The following FAM227B variants were observed in gnomAD, a reference collection of about 807,000 sequenced individuals.
The protein encoded by FAM227B is protein FAM227B.
A neutral mutation model predicts 73.8 loss-of-function variants in FAM227B; 88 were observed. That is an observed-to-expected ratio of 1.19 (90% confidence interval 1.00 to 1.42). The LOEUF (loss-of-function observed/expected upper bound fraction) is 1.42, where lower values mean the gene tolerates loss of function less well. FAM227B is among the 40% of genes most tolerant of loss of function. The probability of loss-of-function intolerance (pLI) is 0.00; values close to 1 mark genes in which losing one functional copy is unlikely to be tolerated. For synonymous variants in FAM227B, 210 were observed against 190.5 expected, an observed-to-expected ratio of 1.10 and a Z score of -0.84; for missense variants, 632 against 590.9, an observed-to-expected ratio of 1.07 and a Z score of -0.72.
chr15:49,420,764 T>C (rs1161196961), intron 11 of FAM227B, among the ~76,000 whole-genome samples: 1 of 152,208 alleles, frequency 6.6e-6, no homozygotes, highest in Non-Finnish European at 1.5e-5. Flanking sequence ...GGAGTGCAGT[T>C]GTGCGATCTC....
In FAM227B at chr15:49,489,877, T is replaced by TAG. The variant is rs1242200877; in HGVS notation, c.1012+18333_1012+18334insCT. Among the ~76,000 whole-genome samples the TAG allele has an allele frequency of 9.7e-4, 17 of 17,558 alleles. 2 individuals carry two copies. The highest frequency in any genetic ancestry group is 1.2e-3 in the Non-Finnish European group (9 of 7,436). The allele number at this position is 17,558 out of a possible 152,430, so 11.5% of individuals were successfully genotyped here. A position where few individuals can be genotyped will look rare whatever the true frequency, so the allele number is the denominator to read the frequency against. ...TATATATTTTATATATATATATATA[T>TAG]ATATATAGAGAGAGAGAGAGAGAGA... is the stretch of plus-strand genomic sequence containing the variant. On this transcript the variant is annotated intron_variant, in intron 11 of 15. Transcript: ENST00000299338.
At chr15:49,518,290 T>G (rs2059527651) in intron 10 of FAM227B, among the ~76,000 whole-genome samples, 1 of 152,154 alleles carries the variant, frequency 6.6e-6, no homozygotes, top group Admixed American at 6.6e-5. Flanking sequence ...GTCTGTGTTT[T>G]TATAGGATTT....
intron 11 of FAM227B, among the ~76,000 whole-genome samples, chr15:49,471,681 T>C (rs979754034): frequency 6.6e-6 from 1 of 151,968 alleles, no homozygotes; most frequent in African/African-American, 2.4e-5. Flanking sequence ...TTTTTGAGAG[T>C]GACAACAGCA....
chr15:49,339,551 T>G (rs991677654), intron 13 of FAM227B, among the ~76,000 whole-genome samples: 5 of 151,926 alleles, frequency 3.3e-5, no homozygotes, highest in Non-Finnish European at 5.9e-5. Flanking sequence ...CTGTAGGAGG[T>G]GTCTGTTGGC....
In FAM227B at chr15:49,589,866, T is replaced by A; in HGVS notation, c.247A>T (p.Ile83Phe). ...NVPRIFEALL[I>F]MESKLKEYSL... The stretch of plus-strand genomic sequence containing the variant: ...TATTCCTTTAATTTTGATTCCATGA[T>A]CAAAAGTGCTTCAAATATTCGAGGA... Residue 83 changes from isoleucine (I) to phenylalanine (F), a missense_variant, in exon 4 of 16, where the codon ATC (isoleucine) becomes TTC (phenylalanine). Physicochemically the swap from Ile to Phe is conservative, Grantham distance 21. Transcript: ENST00000299338. 1 of 1,608,344 alleles carries A rather than the reference T, an allele frequency of 6.2e-7. No individual in the cohort carries two copies. The highest frequency in any genetic ancestry group is 8.5e-7 in the Non-Finnish European group (1 of 1,174,830).
chr15:49,335,737 A>C (rs1167361790), intron 13 of FAM227B, among the ~76,000 whole-genome samples: 1 of 152,232 alleles, frequency 6.6e-6, no homozygotes, highest in Non-Finnish European at 1.5e-5. Flanking sequence ...ATGATTTAAT[A>C]GTTTCATAAA....
rs529975532 is a variant in FAM227B at position 49,366,426 on chromosome 15, C to T, written c.1271+1022G>A. On this transcript the variant is annotated intron_variant, in intron 13 of 15. Transcript: ENST00000299338. Reference sequence around the variant, plus strand: ...CAGCTGCCCCATTGCACCACAACTGCTTTGTTCTTTATGTCAACAGGAGGA... The same window carrying T: ...CAGCTGCCCCATTGCACCACAACTGTTTTGTTCTTTATGTCAACAGGAGGA... 9.0e-6 allele frequency: 8 copies of T among 885,174 alleles called. No homozygotes were observed. In the African/African-American group the frequency reaches 1.3e-4, roughly 14 times the overall value. The allele number at this position is 885,174 out of a possible 1,614,324, so 54.8% of individuals were successfully genotyped here.
At chr15:49,501,323 C>A (rs1567415958) in intron 11 of FAM227B, among the ~76,000 whole-genome samples, 1 of 152,088 alleles carries the variant, frequency 6.6e-6, no homozygotes, top group Non-Finnish European at 1.5e-5. Context: ...GGCAGTGAAG[C>A]CCAGGCTGAT....
At chr15:49,616,338 G>A (rs1488710149) in intron 1 of FAM227B, among the ~76,000 whole-genome samples, 1 of 152,116 alleles carries the variant, frequency 6.6e-6, no homozygotes, top group African/African-American at 2.4e-5. Context: ...TTTTATCTGT[G>A]AAAATATCTA....
chr15:49,388,798 C>A (rs2047035001), intron 11 of FAM227B, among the ~76,000 whole-genome samples: 1 of 151,544 alleles, frequency 6.6e-6, no homozygotes, highest in Non-Finnish European at 1.5e-5. Flanking sequence ...AGAAAAAATA[C>A]AAATAATTCC....
At chr15:49,362,419 T>C (rs1432336672) in intron 13 of FAM227B, among the ~76,000 whole-genome samples, 1 of 152,216 alleles carries the variant, frequency 6.6e-6, no homozygotes, top group Non-Finnish European at 1.5e-5. Flanking sequence ...CCTGCAGAAC[T>C]GTGAGTCAGT....
intron 3 of FAM227B, among the ~76,000 whole-genome samples, chr15:49,602,249 A>T (rs546055469): frequency 6.6e-6 from 1 of 152,214 alleles, no homozygotes; most frequent in Non-Finnish European, 1.5e-5. Flanking sequence ...GTACTAACTT[A>T]CATCCCCACC....
At chr15:49,405,331 T>C in intron 11 of FAM227B, among the ~76,000 whole-genome samples, 1 of 152,246 alleles carries the variant, frequency 6.6e-6, no homozygotes, top group Admixed American at 6.5e-5. Context: ...TTATGAATGA[T>C]ATCCTGAAAT....
At chr15:49,374,981 T>C (rs1176671143) in intron 11 of FAM227B, among the ~76,000 whole-genome samples, 1 of 152,192 alleles carries the variant, frequency 6.6e-6, no homozygotes. Flanking sequence ...TGTATATATA[T>C]TAAATCTCAA....
intron 11 of FAM227B, 94 bp from the exon 12 acceptor site, chr15:49,371,493 C>T (rs1215190162): frequency 1.6e-6 from 1 of 634,612 alleles, no homozygotes; most frequent in African/African-American, 1.9e-5. Flanking sequence ...ACAATGCACC[C>T]TAAACATGGA....
chr15:49,610,064 C>T (rs754723711), intron 3 of FAM227B, among the ~76,000 whole-genome samples: 149 of 151,904 alleles, frequency 9.8e-4, no homozygotes, highest in Non-Finnish European at 1.9e-3. Flanking sequence ...CATAAACCCA[C>T]TATCTTGATT....
intron 10 of FAM227B, among the ~76,000 whole-genome samples, chr15:49,512,765 C>T (rs2059102867): frequency 6.6e-6 from 1 of 152,022 alleles, no homozygotes; most frequent in Admixed American, 6.6e-5. Flanking sequence ...TCTCCCCACT[C>T]GACAGGCCCT....
intron 3 of FAM227B, among the ~76,000 whole-genome samples, chr15:49,608,745 A>G (rs746714560): frequency 2.6e-5 from 4 of 152,078 alleles, no homozygotes; most frequent in Non-Finnish European, 4.4e-5. Context: ...CTCTTCAGAC[A>G]CAGATTACGA....
intron 11 of FAM227B, among the ~76,000 whole-genome samples, chr15:49,402,814 A>G (rs2048262888): frequency 6.6e-6 from 1 of 152,086 alleles, no homozygotes; most frequent in Non-Finnish European, 1.5e-5. Flanking sequence ...TTCCAATGCT[A>G]TGTTGAATAG....
Sources: allele counts gnomAD v4.1 joint callset (sites outside exome capture counted in the v4.1 genomes callset), GRCh38; gene constraint gnomAD v4.1.1; transcripts MANE v1.5; gene names NCBI Gene and HGNC (gene_info 2026-07-23, HGNC 2026-07-21).